The following CWF19L2 variants were observed in gnomAD, a reference collection of about 807,000 sequenced individuals.
CWF19L2 encodes CWF19 like cell cycle control factor 2, also known as CWF19-like protein 2.
Under a neutral mutation model 111.7 loss-of-function variants are expected in CWF19L2, and 98 were observed. The ratio of observed to expected loss-of-function variants is 0.88; its 90% CI spans 0.75 to 1.04. CWF19L2 has a LOEUF of 1.04. Among genes scored for constraint, CWF19L2 ranks in the 50% least tolerant of loss-of-function variants. The probability of loss-of-function intolerance (pLI) is 0.00; values close to 1 mark genes in which losing one functional copy is unlikely to be tolerated. For synonymous variants in CWF19L2, 351 were observed against 342.9 expected, an observed-to-expected ratio of 1.02 and a Z score of -0.26; for missense variants, 1,101 against 1,051.4, an observed-to-expected ratio of 1.05 and a Z score of -0.65.
chr11:107,388,412 T>C (rs1198405085), intron 12 of CWF19L2, among the ~76,000 whole-genome samples: 1 of 151,996 alleles, frequency 6.6e-6, no homozygotes, highest in East Asian at 1.9e-4. Flanking sequence ...AGACGGAGTC[T>C]TGCTCTGTCG....
chr11:107,342,566 T>C (rs1007644879), intron 14 of CWF19L2, among the ~76,000 whole-genome samples: 1 of 151,764 alleles, frequency 6.6e-6, no homozygotes, highest in Non-Finnish European at 1.5e-5. Flanking sequence ...AGATTAGTTT[T>C]GTGGCAAGAT....
chr11:107,432,250 C>T (rs1173507707), intron 7 of CWF19L2, among the ~76,000 whole-genome samples: 2 of 152,034 alleles, frequency 1.3e-5, no homozygotes, highest in African/African-American at 4.8e-5. Context: ...AGTCAATTCA[C>T]TAAAAAATAC....
intron 7 of CWF19L2, among the ~76,000 whole-genome samples, chr11:107,433,098 AAATCTTACT>A (rs1339231502): frequency 6.6e-6 from 1 of 152,204 alleles, no homozygotes; most frequent in East Asian, 1.9e-4. Flanking sequence ...TATATTCCAG[AAATCTTACT>A]ACTTTCTAAA....
At chr11:107,356,905 GCACATGC>G (rs1351788550) in intron 12 of CWF19L2, among the ~76,000 whole-genome samples, 1 of 152,078 alleles carries the variant, frequency 6.6e-6, no homozygotes, top group Non-Finnish European at 1.5e-5. Flanking sequence ...AGGCGTGGTG[GCACATGC>G]CTGTAATCCC....
At chr11:107,364,659 G>T (rs1231741681) in intron 12 of CWF19L2, among the ~76,000 whole-genome samples, 1 of 124,296 alleles carries the variant, frequency 8.0e-6, no homozygotes, top group East Asian at 2.3e-4. Context: ...GAATCTCTGG[G>T]ACGCATTCAA....
At chr11:107,382,524 T>C (rs1860702015) in intron 12 of CWF19L2, among the ~76,000 whole-genome samples, 2 of 152,236 alleles carry the variant, frequency 1.3e-5, no homozygotes, top group Non-Finnish European at 2.9e-5. Context: ...TTTGGCTCTA[T>C]GATTTCGAAG....
intron 10 of CWF19L2, among the ~76,000 whole-genome samples, chr11:107,394,267 T>A (rs1860890666): frequency 6.6e-6 from 1 of 152,196 alleles, no homozygotes; most frequent in South Asian, 2.1e-4. Context: ...AGATTATCAT[T>A]ACTTTTCTTC....
rs546275752 is a variant in CWF19L2 at position 107,367,497 on chromosome 11, A to G, written c.1873-13761T>C. ...ATACACCATGGAATACTATGCAGCC[A>G]TAAAAAATGATGAGTTCATGTCCTT... On this transcript the variant is annotated intron_variant, in intron 12 of 17. Coordinates refer to ENST00000282251, the MANE Select transcript of CWF19L2 (RefSeq NM_152434.3). Among the ~76,000 whole-genome samples the G allele has an allele frequency of 9.3e-4, 122 of 131,306 alleles. 16 individuals are homozygous for G. Among genetic ancestry groups the G allele is most frequent in the African/African-American group, 1.9e-3 (61 of 32,158 alleles). The allele number at this position is 131,306 out of a possible 152,430, so 86.1% of individuals were successfully genotyped here.
chr11:107,330,906 T>C, intron 16 of CWF19L2, among the ~76,000 whole-genome samples: 1 of 152,126 alleles, frequency 6.6e-6, no homozygotes, highest in East Asian at 1.9e-4. Context: ...TACTTAACCA[T>C]ACAAATTGTG....
chr11:107,328,906 C>T (rs1859802509), intron 17 of CWF19L2, among the ~76,000 whole-genome samples: 1 of 152,164 alleles, frequency 6.6e-6, no homozygotes, highest in African/African-American at 2.4e-5. Context: ...TTCAAAGATG[C>T]ATGTTACTTT....
intron 12 of CWF19L2, among the ~76,000 whole-genome samples, chr11:107,388,279 G>A (rs679425): frequency 6.6e-6 from 1 of 152,206 alleles, no homozygotes; most frequent in African/African-American, 2.4e-5. Context: ...ATAAGCGCCT[G>A]AGGGCACAAA....
intron 8 of CWF19L2, among the ~76,000 whole-genome samples, chr11:107,423,644 G>A (rs918429741): frequency 2.0e-5 from 3 of 151,910 alleles, no homozygotes; most frequent in African/African-American, 4.8e-5. Flanking sequence ...TTAGGATAAC[G>A]AAGCTATTTA....
intron 14 of CWF19L2, among the ~76,000 whole-genome samples, chr11:107,339,105 T>C (rs1287715247): frequency 2.0e-5 from 3 of 152,182 alleles, no homozygotes; most frequent in Non-Finnish European, 4.4e-5. Context: ...ATAGTAGCCA[T>C]TAGGCTTTTT....
chr11:107,375,549 A>T (rs1228494757), intron 12 of CWF19L2, among the ~76,000 whole-genome samples: 1 of 137,524 alleles, frequency 7.3e-6, no homozygotes, highest in Non-Finnish European at 1.6e-5. Context: ...TGAAGGCAGA[A>T]ATAAAGATGT....
chr11:107,371,609 T>A (rs1163983879), intron 12 of CWF19L2, among the ~76,000 whole-genome samples: 2 of 138,120 alleles, frequency 1.4e-5, no homozygotes, highest in Non-Finnish European at 3.1e-5. Context: ...CACTAAAATA[T>A]ACTGAAAGAA....
intron 8 of CWF19L2, among the ~76,000 whole-genome samples, chr11:107,423,827 A>G (rs1861336168): frequency 6.6e-6 from 1 of 151,874 alleles, no homozygotes; most frequent in Non-Finnish European, 1.5e-5. Flanking sequence ...CCATCCATCA[A>G]TCCATCTCCT....
chr11:107,327,911 C>A (rs913368757), intron 17 of CWF19L2, among the ~76,000 whole-genome samples: 1 of 152,114 alleles, frequency 6.6e-6, no homozygotes, highest in Non-Finnish European at 1.5e-5. Context: ...CCTGCACAAA[C>A]CACATAATCT....
chr11:107,433,397 A>C lies in CWF19L2; in HGVS notation c.780+237T>G, dbSNP rs139496232. On this transcript the variant is annotated intron_variant, in intron 7 of 17. Transcript: ENST00000282251. ...TGTTTAAATTTTCTCACAATAAGAA[A>C]ATTTTTTTTACATTAAACACACCCA... Among the ~76,000 whole-genome samples, 663 of 152,166 alleles carry C rather than the reference A, an allele frequency of 4.4e-3. 8 individuals are homozygous for C. The highest frequency in any genetic ancestry group is 0.015 in the African/African-American group (639 of 41,522).
In CWF19L2 at chr11:107,349,029, G is replaced by A. The variant is rs750590112; in HGVS notation, c.2110C>T (p.Arg704Trp). ...AGGCAGTGCCCCTCAGTAAGAGACC[G>A]TACGTTGGGTAAACATAAATAAACC... ...VKVYLCLPNVRSLTEGHCLIV... is the reference protein window; with the variant it reads ...VKVYLCLPNVWSLTEGHCLIV... The change falls in exon 14 of 18, where the codon CGG becomes TGG. Residue 704 changes from arginine to tryptophan, a missense_variant. Coordinates refer to ENST00000282251, the MANE Select transcript of CWF19L2 (RefSeq NM_152434.3). The A allele has an allele frequency of 5.3e-5, 85 of 1,602,688 alleles. No homozygotes were observed. The highest frequency in any genetic ancestry group is 6.7e-5 in the South Asian group (6 of 90,092).
Sources: allele counts gnomAD v4.1 joint callset (sites outside exome capture counted in the v4.1 genomes callset), GRCh38; gene constraint gnomAD v4.1.1; transcripts MANE v1.5; gene names NCBI Gene and HGNC (gene_info 2026-07-23, HGNC 2026-07-21).